Variants in HIVEP3 observed in about 807,000 individuals in gnomAD.
HIVEP3 encodes HIVEP zinc finger 3, also known as transcription factor HIVEP3.
Under a neutral mutation model 152.8 loss-of-function variants are expected in HIVEP3, and 49 were observed. The ratio of observed to expected loss-of-function variants is 0.32; its 90% CI spans 0.26 to 0.41. The LOEUF (loss-of-function observed/expected upper bound fraction) is 0.41, where lower values mean the gene tolerates loss of function less well. HIVEP3 is among the 10% of genes least tolerant of loss of function. The pLI, the probability that HIVEP3 is intolerant of heterozygous loss-of-function variation, is 1.00. For synonymous variants in HIVEP3, 1,269 were observed against 1,289.0 expected (o/e 0.98, Z 0.33); for missense variants, 2,790 against 3,103.3 (o/e 0.90, Z 2.40).
At position 41,798,055 on chromosome 1, in the gene HIVEP3, T is replaced by C. The variant is rs371318604; in HGVS notation, c.-800-97060A>G. Among the ~76,000 whole-genome samples the C allele has an allele frequency of 1.1e-3, 172 of 151,836 alleles. 4 individuals are homozygous for C. The South Asian group carries it at 0.034, about 30-fold the overall frequency. On this transcript the variant is annotated intron_variant, in intron 1 of 8. Coordinates refer to ENST00000372583, the MANE Select transcript of HIVEP3 (RefSeq NM_024503.5). ...TATTACAGGACAAAAAACCAAACAC[T>C]GCATGTTCTCACTCATAGGTGGGAA...
intron 1 of HIVEP3, among the ~76,000 whole-genome samples, chr1:41,839,404 A>G (rs990823314): frequency 1.3e-5 from 2 of 152,302 alleles, no homozygotes; most frequent in Non-Finnish European, 2.9e-5. Flanking sequence ...CTAAGTTCTC[A>G]GCTCACTCTC....
chr1:41,648,402 A>G (rs538714135), intron 2 of HIVEP3, among the ~76,000 whole-genome samples: 4 of 152,316 alleles, frequency 2.6e-5, no homozygotes, highest in Admixed American at 2.6e-4. Context: ...GACTTGCCCA[A>G]GGTCACATAG....
Position 41,533,619 on chromosome 1 carries a change from C to A in HIVEP3, c.5208-8709G>T, listed in dbSNP as rs771529848. ...AGTCCATTTGCCTCATCCTGTCCGC[C>A]CTCTTGCTGGCCTTCTGGAGGCACC... On this transcript the variant is annotated intron_variant, in intron 5 of 8. Coordinates refer to ENST00000372583, the MANE Select transcript of HIVEP3 (RefSeq NM_024503.5). This position sits in a 1 kb window ranked among gnomAD's most constrained non-coding sequence, Gnocchi z 4.3. 2.0e-5 allele frequency among the ~76,000 whole-genome samples: 3 copies of A among 152,012 alleles called. No homozygotes were observed. The highest frequency in any genetic ancestry group is 4.4e-5 in the Non-Finnish European group (3 of 68,026).
intron 1 of HIVEP3, among the ~76,000 whole-genome samples, chr1:41,973,837 C>T (rs771336388): frequency 1.3e-5 from 2 of 152,132 alleles, no homozygotes; most frequent in Non-Finnish European, 2.9e-5. Flanking sequence ...GAAAGAGCAT[C>T]CAAGAAAGGA....
chr1:41,974,364 C>T (rs940146690), intron 1 of HIVEP3, among the ~76,000 whole-genome samples: 4 of 151,848 alleles, frequency 2.6e-5, no homozygotes, highest in African/African-American at 9.7e-5. Flanking sequence ...CTGTCCAAAC[C>T]CTTCCCTTCT....
chr1:41,640,647 T>G (rs1462766322), intron 2 of HIVEP3, among the ~76,000 whole-genome samples: 2 of 152,214 alleles, frequency 1.3e-5, no homozygotes, highest in African/African-American at 4.8e-5. Flanking sequence ...AAACCTGAGC[T>G]GCTTCCCCGC....
intron 2 of HIVEP3, among the ~76,000 whole-genome samples, chr1:41,681,089 GGT>G (rs35572259): frequency 0.41 from 60,601 of 147,778 alleles, 12,380 homozygotes; most frequent in African/African-American, 0.51. Context: ...GCTAAGAACT[GGT>G]GTGTGTGTGT....
Position 41,581,326 on chromosome 1 carries a change from G to C in HIVEP3, c.3472C>G (p.Gln1158Glu). The C allele has an allele frequency of 6.2e-7, 1 of 1,613,746 alleles. No homozygotes were observed. Among genetic ancestry groups the C allele is most frequent in the Non-Finnish European group, 8.5e-7 (1 of 1,179,870 alleles). ...TGGGTGGAGAAGAATTCTGGAGACTGTCCTGGCTCATGCTGCACGAGATGC... is the reference window on the plus strand; with the variant it reads ...TGGGTGGAGAAGAATTCTGGAGACTCTCCTGGCTCATGCTGCACGAGATGC... ...FQHLVQHEPG[Q>E]SPEFFSTQAM... The change falls in exon 4 of 9, where the codon CAG (glutamine) becomes GAG (glutamate). Residue 1158 changes from glutamine to glutamate, a missense_variant. Gln to Glu is a conservative substitution (Grantham distance 29). This residue lies in a region of HIVEP3 where 1,078 missense variants were observed against 1,165.3 expected (regional missense o/e 0.93). Coordinates refer to ENST00000372583, the MANE Select transcript of HIVEP3 (RefSeq NM_024503.5). This position sits in a 1 kb window ranked among gnomAD's most constrained non-coding sequence, Gnocchi z 4.5.
intron 5 of HIVEP3, among the ~76,000 whole-genome samples, chr1:41,536,819 C>A (rs773019046): frequency 1.3e-5 from 2 of 152,154 alleles, no homozygotes; most frequent in Non-Finnish European, 2.9e-5. Flanking sequence ...ATGGGGCTGT[C>A]ATGATTCCCA....
chr1:41,742,858 G>A (rs1455393749), intron 1 of HIVEP3, among the ~76,000 whole-genome samples: 2 of 152,212 alleles, frequency 1.3e-5, no homozygotes, highest in African/African-American at 4.8e-5. Context: ...ACAGGGGAGT[G>A]AGGAGTGCAG....
rs1644423676 is a variant in HIVEP3 at position 41,509,833 on chromosome 1, A to G, written c.*618T>C. 1 of 151,454 alleles carries G rather than the reference A, an allele frequency of 6.6e-6. No individual in the cohort carries two copies. The highest frequency in any genetic ancestry group is 2.4e-5 in the African/African-American group (1 of 41,332). 9.4% of individuals were successfully genotyped at this position (151,454 alleles called of 1,614,324 possible). ...ATTTTATTTTCTTGCAAAAAAAAAA[A>G]AAAAAAAAAAAAAGGAAAAGATTAG... is the stretch of plus-strand genomic sequence containing the variant. On this transcript the variant is annotated 3_prime_UTR_variant, in exon 9 of 9. Coordinates refer to ENST00000372583, the MANE Select transcript of HIVEP3 (RefSeq NM_024503.5).
At chr1:41,960,943 A>G (rs1408226804) in intron 1 of HIVEP3, among the ~76,000 whole-genome samples, 2 of 152,114 alleles carry the variant, frequency 1.3e-5, no homozygotes, top group African/African-American at 4.8e-5. Flanking sequence ...CTTCATATCC[A>G]TCCCATGGAG....
chr1:41,749,299 C>A (rs934195483), intron 1 of HIVEP3, among the ~76,000 whole-genome samples: 1 of 152,126 alleles, frequency 6.6e-6, no homozygotes, highest in African/African-American at 2.4e-5. Flanking sequence ...CTCTCACTTC[C>A]CCTGGGTGGG....
chr1:41,723,946 A>G (rs895800976), intron 1 of HIVEP3, among the ~76,000 whole-genome samples: 1 of 152,258 alleles, frequency 6.6e-6, no homozygotes, highest in Non-Finnish European at 1.5e-5. Flanking sequence ...TGGAGGTACT[A>G]GCAGCTCGGC....
intron 1 of HIVEP3, among the ~76,000 whole-genome samples, chr1:41,924,490 T>C (rs1644957966): frequency 6.6e-6 from 1 of 152,144 alleles, no homozygotes; most frequent in African/African-American, 2.4e-5. Flanking sequence ...AAATTATTTA[T>C]ATATCTTACC....
chr1:41,813,326 C>T (rs115240564), intron 1 of HIVEP3, among the ~76,000 whole-genome samples: 126 of 152,292 alleles, frequency 8.3e-4, no homozygotes, highest in African/African-American at 1.7e-3. Context: ...CAACACTAGG[C>T]GCCAATCTTG....
rs1311159250 is a variant in HIVEP3, at chr1:41,841,910, T to C, written c.-801+76503A>G. Among the ~76,000 whole-genome samples the C allele has an allele frequency of 2.0e-5, 3 of 152,124 alleles. No homozygotes were observed. The East Asian group carries it at 5.8e-4, about 29-fold the overall frequency. On this transcript the variant is annotated intron_variant, in intron 1 of 8. Transcript: ENST00000372583. ...TTCAAGACCAGTCTGGCCAACATGG[T>C]GAAATCCCCCCATCTCTACTAAAAA...
chr1:41,974,050 C>G (rs1306394614), intron 1 of HIVEP3, among the ~76,000 whole-genome samples: 1 of 152,106 alleles, frequency 6.6e-6, no homozygotes, highest in Non-Finnish European at 1.5e-5. Context: ...AAGGCAAGAG[C>G]TGGCATAGAG....
chr1:41,637,079 C>T (rs896089694), intron 2 of HIVEP3, among the ~76,000 whole-genome samples: 7 of 152,092 alleles, frequency 4.6e-5, no homozygotes, highest in African/African-American at 1.7e-4. Flanking sequence ...TCAAATACTG[C>T]TAGTAGGTAT....
Sources: gnomAD v4.1 joint callset for allele counts (sites outside exome capture counted in the v4.1 genomes callset) on GRCh38, gnomAD v4.1.1 for gene constraint, gnomAD v4.1.1 regional missense constraint, Gnocchi (gnomAD v3.1) non-coding constraint, MANE v1.5 for transcripts, NCBI Gene and HGNC (gene_info 2026-07-23, HGNC 2026-07-21) for gene names.